PTPN1: variants seen among roughly 807,000 people sequenced by gnomAD.
PTPN1 encodes the protein protein tyrosine phosphatase non-receptor type 1.
PTPN1 carries 12 observed loss-of-function variants against 59.9 expected under a neutral mutation model. The observed-to-expected ratio is 0.20, with a 90% CI of 0.13 to 0.32. The LOEUF is 0.32. Ranked by LOEUF, PTPN1 falls within the 10% of genes least tolerant of loss-of-function variation. The pLI is 1.00. For missense variants in PTPN1, 356 were observed against 549.2 expected (o/e 0.65, Z 3.52); for synonymous variants, 178 against 203.6 (o/e 0.87, Z 1.07).
chr20:50,554,613 T>A (rs1048622352), intron 1 of PTPN1, among the ~76,000 whole-genome samples: 3 of 151,744 alleles, frequency 2.0e-5, no homozygotes, highest in Non-Finnish European at 4.4e-5. Flanking sequence ...TAAAATTTAT[T>A]TAAAGCAAAA....
rs16995311 is a variant in PTPN1, at chr20:50,584,565, A to C, written c.*1850A>C. On this transcript the variant is annotated 3_prime_UTR_variant, in exon 10 of 10. Transcript: ENST00000371621. ...ATTTTTACAAAAATAAAAACAAAAA[A>C]AGCAAGGTGTTTTGGTATAATACCT... 0.052 allele frequency: 7,743 copies of C among 147,682 alleles called. 286 individuals are homozygous for C. The highest frequency in any genetic ancestry group is 0.079 in the Non-Finnish European group (5,255 of 66,786). 9.1% of individuals were successfully genotyped at this position (147,682 alleles called of 1,614,324 possible). A position where few individuals can be genotyped will look rare whatever the true frequency, so the allele number is the denominator to read the frequency against.
chr20:50,512,881 A>T (rs2082513393), intron 1 of PTPN1, among the ~76,000 whole-genome samples: 1 of 152,236 alleles, frequency 6.6e-6, no homozygotes, highest in African/African-American at 2.4e-5. Flanking sequence ...GTTTAAAAAA[A>T]TTAATACTTT....
chr20:50,582,832 C>T lies in PTPN1; in HGVS notation c.*117C>T, dbSNP rs1204096837. 2.3e-6 allele frequency: 3 copies of T among 1,289,670 alleles called. No individual in the cohort carries two copies. The highest frequency in any genetic ancestry group is 1.3e-5 in the South Asian group (1 of 79,196). 79.9% of individuals were successfully genotyped at this position (1,289,670 alleles called of 1,614,324 possible). On this transcript the variant is annotated 3_prime_UTR_variant, in exon 10 of 10. Transcript: ENST00000371621. This position sits in a 1 kb window ranked among gnomAD's most constrained non-coding sequence, Gnocchi z 4.2. ...CCGCCGGACCGCGTAGAGAGCCGGGCCCCGGACGGACGTTGGTTCTGCACT... is the reference window on the plus strand; with the variant it reads ...CCGCCGGACCGCGTAGAGAGCCGGGTCCCGGACGGACGTTGGTTCTGCACT...
intron 1 of PTPN1, among the ~76,000 whole-genome samples, chr20:50,528,583 G>A (rs946083738): frequency 6.6e-5 from 10 of 151,624 alleles, no homozygotes; most frequent in African/African-American, 1.7e-4. Context: ...GCGTGGTGGC[G>A]GGTGCCTGTA....
chr20:50,530,427 G>A (rs1038679831), intron 1 of PTPN1, among the ~76,000 whole-genome samples: 2 of 151,412 alleles, frequency 1.3e-5, no homozygotes, highest in African/African-American at 4.9e-5. Context: ...CGCGATCTTG[G>A]CTCACTGCAG....
At chr20:50,517,310 A>C (rs1431610520) in intron 1 of PTPN1, among the ~76,000 whole-genome samples, 3 of 152,166 alleles carry the variant, frequency 2.0e-5, no homozygotes, top group Non-Finnish European at 4.4e-5. Flanking sequence ...GCTGGAGTGC[A>C]GTGGCACAAT....
chr20:50,562,791 A>G (rs1316292864), intron 2 of PTPN1, among the ~76,000 whole-genome samples: 1 of 152,218 alleles, frequency 6.6e-6, no homozygotes, highest in Non-Finnish European at 1.5e-5. Context: ...AGAAACCTCC[A>G]GACCGCTGAT....
At chr20:50,579,036 C>A in intron 6 of PTPN1, 132 bp from the exon 7 acceptor site, 1 of 1,098,856 alleles carries the variant, frequency 9.1e-7, no homozygotes, top group Middle Eastern at 2.1e-4. Context: ...ACACCTCCCA[C>A]CCAGCCCCAC....
intron 4 of PTPN1, among the ~76,000 whole-genome samples, chr20:50,569,838 G>A (rs982041986): frequency 2.0e-5 from 3 of 152,220 alleles, no homozygotes; most frequent in Non-Finnish European, 4.4e-5. Context: ...CTGTGCAGGC[G>A]CAGGCCAGTG....
intron 4 of PTPN1, chr20:50,571,887 C>T (rs960979156): frequency 2.0e-5 from 3 of 152,232 alleles, no homozygotes; most frequent in African/African-American, 7.2e-5. Context: ...GAAATCCTCA[C>T]TAAAGCTGCC....
chr20:50,534,322 C>T (rs1263551836), intron 1 of PTPN1, among the ~76,000 whole-genome samples: 1 of 152,228 alleles, frequency 6.6e-6, no homozygotes, highest in Non-Finnish European at 1.5e-5. Context: ...TTCCTTGAAA[C>T]ACATTTAATT....
At chr20:50,534,940 G>A (rs1432272949) in intron 1 of PTPN1, among the ~76,000 whole-genome samples, 1 of 93,444 alleles carries the variant, frequency 1.1e-5, no homozygotes, top group Non-Finnish European at 2.4e-5. Flanking sequence ...TGTTGCTCAG[G>A]CTGGCCTTGA....
chr20:50,546,740 AG>A (rs1477047977), intron 1 of PTPN1, among the ~76,000 whole-genome samples: 3 of 152,342 alleles, frequency 2.0e-5, no homozygotes, highest in East Asian at 3.9e-4. Context: ...ACTTCAGGGT[AG>A]GAGTATCATG....
intron 1 of PTPN1, among the ~76,000 whole-genome samples, chr20:50,512,664 A>G (rs2082512551): frequency 6.6e-6 from 1 of 152,120 alleles, no homozygotes; most frequent in South Asian, 2.1e-4. Context: ...CTGTATGGAT[A>G]TTTTTCTTTT....
Position 50,510,384 on chromosome 20 carries a change from TGAA to T in PTPN1, c.-139_-137del, listed in dbSNP as rs1345994512. The T allele has an allele frequency of 7.1e-6, 6 of 839,594 alleles. No individual in the cohort carries two copies. Among genetic ancestry groups the T allele is most frequent in the Admixed American group, 3.0e-5 (1 of 33,444 alleles). 52.0% of individuals were successfully genotyped at this position (839,594 alleles called of 1,614,324 possible). ...GCGTAGTTCCGGCTGCCGGTTGACA[TGAA>T]GAAGCAGCAGCGGCTAGGGCGGCGG... On this transcript the variant is annotated 5_prime_UTR_variant, in exon 1 of 10. Coordinates refer to ENST00000371621, the MANE Select transcript of PTPN1 (RefSeq NM_002827.4).
intron 1 of PTPN1, among the ~76,000 whole-genome samples, chr20:50,512,183 A>G (rs899475662): frequency 6.6e-6 from 1 of 152,186 alleles, no homozygotes; most frequent in Admixed American, 6.5e-5. Flanking sequence ...TCCATAAGGG[A>G]CTTTGAGACT....
chr20:50,510,662 C>T (rs2082502659), intron 1 of PTPN1, 72 bp downstream of exon 1: 1 of 1,472,142 alleles, frequency 6.8e-7, no homozygotes. Flanking sequence ...ACCTCCAGGC[C>T]CCAGACTCCC....
intron 1 of PTPN1, among the ~76,000 whole-genome samples, chr20:50,559,984 G>A (rs1249209372): frequency 6.6e-6 from 1 of 152,014 alleles, no homozygotes; most frequent in Non-Finnish European, 1.5e-5. Flanking sequence ...AGAACCTTGA[G>A]CAGGTGTAAG....
chr20:50,527,765 A>G (rs988668897), intron 1 of PTPN1, among the ~76,000 whole-genome samples: 9 of 152,028 alleles, frequency 5.9e-5, no homozygotes, highest in African/African-American at 2.2e-4. Context: ...TGCATATTGA[A>G]TATTCCCTTC....
Sources: allele counts gnomAD v4.1 joint callset (sites outside exome capture counted in the v4.1 genomes callset), GRCh38; gene constraint gnomAD v4.1.1; non-coding constraint Gnocchi (gnomAD v3.1); transcripts MANE v1.5; gene names NCBI Gene and HGNC (gene_info 2026-07-23, HGNC 2026-07-21).